The following ARB2A variants were observed in gnomAD, a reference collection of about 807,000 sequenced individuals.
The protein encoded by ARB2A is ARB2 cotranscriptional regulator A.
chr5:93,922,054 T>G, the ARB2A span, among the ~76,000 whole-genome samples: 1 of 152,108 alleles, frequency 6.6e-6, no homozygotes, highest in Admixed American at 6.5e-5. Flanking sequence ...TGGTACTTTA[T>G]AGAAAGCATT....
the ARB2A span, among the ~76,000 whole-genome samples, chr5:93,965,559 T>C: frequency 6.6e-6 from 1 of 152,032 alleles, no homozygotes; most frequent in African/African-American, 2.4e-5. Flanking sequence ...CAACATACTA[T>C]TTCTGTTAAG....
the ARB2A span, among the ~76,000 whole-genome samples, chr5:93,935,841 G>A: frequency 1.2e-4 from 19 of 152,142 alleles, no homozygotes; most frequent in Middle Eastern, 0.034. Flanking sequence ...TTATGATGCC[G>A]TTATTTTGTG....
chr5:93,918,327 A>T, the ARB2A span, among the ~76,000 whole-genome samples: 1 of 152,164 alleles, frequency 6.6e-6, no homozygotes, highest in Admixed American at 6.5e-5. Context: ...ATGTGTGGGA[A>T]GAAGTGATGT....
the ARB2A span, among the ~76,000 whole-genome samples, chr5:93,828,576 ACAACAATCTCTAGCCTAGCCT>A: frequency 6.6e-6 from 1 of 152,176 alleles, no homozygotes; most frequent in South Asian, 2.1e-4. Context: ...GTGGATGACC[ACAACAATCTCTAGCCTAGCCT>A]CAACAATCTC....
At chr5:93,892,945 T>C in the ARB2A span, among the ~76,000 whole-genome samples, 3 of 152,070 alleles carry the variant, frequency 2.0e-5, no homozygotes, top group Non-Finnish European at 4.4e-5. Flanking sequence ...CTCAAAAAAT[T>C]TACACCTTTA....
At chr5:93,751,679 T>C in the ARB2A span, among the ~76,000 whole-genome samples, 1 of 152,236 alleles carries the variant, frequency 6.6e-6, no homozygotes, top group Non-Finnish European at 1.5e-5. Flanking sequence ...GAAAGTTCAT[T>C]TTAGTACCAA....
the ARB2A span, among the ~76,000 whole-genome samples, chr5:93,906,462 G>A: frequency 6.6e-6 from 1 of 150,996 alleles, no homozygotes; most frequent in South Asian, 2.1e-4. Context: ...TGTATAATGG[G>A]GATAATAACT....
At chr5:93,757,930 T>C in the ARB2A span, among the ~76,000 whole-genome samples, 1 of 152,072 alleles carries the variant, frequency 6.6e-6, no homozygotes, top group African/African-American at 2.4e-5. Context: ...ACCTAAATGC[T>C]CCACTTAAAA....
At chr5:93,621,017 G>C in the ARB2A span, 1 of 1,611,342 alleles carries the variant, frequency 6.2e-7, no homozygotes, top group Non-Finnish European at 8.5e-7. Context: ...TGCGGTGGGA[G>C]CGGCGCGTCA....
the ARB2A span, among the ~76,000 whole-genome samples, chr5:94,074,142 T>C: frequency 6.6e-6 from 1 of 152,138 alleles, no homozygotes. Flanking sequence ...CTTTTCGAAG[T>C]CAAATTACTT....
the ARB2A span, chr5:93,738,038 C>T: frequency 2.7e-6 from 1 of 364,956 alleles, no homozygotes; most frequent in Middle Eastern, 5.1e-4. Context: ...GGACAACCCA[C>T]AGAATGGGAG....
chr5:93,991,713 T>A, the ARB2A span, among the ~76,000 whole-genome samples: 1 of 151,682 alleles, frequency 6.6e-6, no homozygotes, highest in Non-Finnish European at 1.5e-5. Flanking sequence ...AATATAGCAA[T>A]AAAGCTCCCT....
the ARB2A span, among the ~76,000 whole-genome samples, chr5:93,904,756 T>G: frequency 1.3e-5 from 2 of 151,676 alleles, no homozygotes; most frequent in African/African-American, 4.8e-5. Flanking sequence ...ATATAACACC[T>G]TTTATATTAG....
the ARB2A span, among the ~76,000 whole-genome samples, chr5:93,941,002 G>C: frequency 6.6e-6 from 1 of 152,134 alleles, no homozygotes; most frequent in African/African-American, 2.4e-5. Context: ...CACAGGTATA[G>C]TGAGAAATGC....
chr5:93,795,493 T>C, the ARB2A span, among the ~76,000 whole-genome samples: 1 of 152,204 alleles, frequency 6.6e-6, no homozygotes, highest in Non-Finnish European at 1.5e-5. Context: ...TCTTGGTATG[T>C]TCCTGTGGTA....
the ARB2A span, among the ~76,000 whole-genome samples, chr5:93,911,320 A>C: frequency 6.6e-6 from 1 of 151,692 alleles, no homozygotes; most frequent in Non-Finnish European, 1.5e-5. Flanking sequence ...CCTTTGTAGT[A>C]ATATATCGGA....
the ARB2A span, among the ~76,000 whole-genome samples, chr5:93,692,680 G>T: frequency 1.1e-4 from 16 of 152,142 alleles, no homozygotes; most frequent in Non-Finnish European, 1.8e-4. Flanking sequence ...CGTGAACTCA[G>T]CTCTGGACTA....
the ARB2A span, among the ~76,000 whole-genome samples, chr5:93,678,318 A>G: frequency 6.6e-6 from 1 of 152,218 alleles, no homozygotes; most frequent in South Asian, 2.1e-4. Context: ...CTTCCATCAG[A>G]AGAGATATAT....
At chr5:93,822,861 C>T in the ARB2A span, among the ~76,000 whole-genome samples, 2 of 152,084 alleles carry the variant, frequency 1.3e-5, no homozygotes, top group East Asian at 1.9e-4. Flanking sequence ...TTTAACTTAA[C>T]GATTTATTGA....
Sources: gnomAD v4.1 joint callset for allele counts (sites outside exome capture counted in the v4.1 genomes callset) on GRCh38, gnomAD v4.1.1 for gene constraint, MANE v1.5 for transcripts, NCBI Gene and HGNC (gene_info 2026-07-23, HGNC 2026-07-21) for gene names.